The following PTGS1 variants were observed in gnomAD, a reference collection of about 807,000 sequenced individuals.
PTGS1 encodes the protein prostaglandin G/H synthase 1.
A neutral mutation model predicts 63.0 loss-of-function variants in PTGS1; 40 were observed. The ratio of observed to expected loss-of-function variants is 0.63; its 90% CI spans 0.49 to 0.83. The LOEUF is 0.83. Among genes scored for constraint, PTGS1 ranks in the 40% least tolerant of loss-of-function variants. The pLI is 0.00. For missense variants in PTGS1, 709 were observed against 786.5 expected (o/e 0.90, Z 1.18); for synonymous variants, 298 against 301.9 (o/e 0.99, Z 0.13).
Position 122,383,565 on chromosome 9 carries a change from C to T in PTGS1, c.819C>T (p.His273=). The T allele has an allele frequency of 1.2e-6, 2 of 1,614,124 alleles. No individual in the cohort carries two copies. The highest frequency in any genetic ancestry group is 8.5e-7 in the Non-Finnish European group (1 of 1,180,010). The part of the protein sequence containing the change: ...PSVEEAPVLM[H]YPRGIPPQSQ... ...TAGAAGAGGCGCCTGTGTTGATGCACTACCCCCGAGGCATCCCGCCCCAGA... is the reference window on the plus strand; with the variant it reads ...TAGAAGAGGCGCCTGTGTTGATGCATTACCCCCGAGGCATCCCGCCCCAGA... The change falls in exon 8 of 11, where the codon CAC becomes CAT. Residue 273 remains histidine, a synonymous_variant. Coordinates refer to ENST00000362012, the MANE Select transcript of PTGS1 (RefSeq NM_000962.4).
intron 3 of PTGS1, 104 bp from the exon 4 acceptor site, chr9:122,378,329 C>A: frequency 2.0e-6 from 3 of 1,511,302 alleles, no homozygotes; most frequent in Non-Finnish European, 2.7e-6. Context: ...ATAGGTGCTA[C>A]TCTGTTCCAC....
chr9:122,381,959 A>G (rs774166410), intron 7 of PTGS1, among the ~76,000 whole-genome samples: 6 of 152,174 alleles, frequency 3.9e-5, no homozygotes, highest in Non-Finnish European at 7.4e-5. Context: ...TCAGCCAGGG[A>G]GGTGGATTTT....
chr9:122,390,448 G>GT (rs1233397274), intron 10 of PTGS1, 103 bp downstream of exon 10: 15 of 1,316,162 alleles, frequency 1.1e-5, no homozygotes, highest in Non-Finnish European at 4.2e-6. Context: ...GCGGCAATGT[G>GT]TAACAACCAG....
rs200460694 is a variant in PTGS1, at chr9:122,371,081, C to A, written c.-4C>A. On this transcript the variant is annotated 5_prime_UTR_variant, in exon 1 of 11. Coordinates refer to ENST00000362012, the MANE Select transcript of PTGS1 (RefSeq NM_000962.4). ...TCTGCGTCCCGCACCCCAGCAGCCG[C>A]GCCATGAGCCGTGAGTGCGACCCCG... 2.5e-6 allele frequency: 4 copies of A among 1,599,014 alleles called. No individual in the cohort carries two copies. The highest frequency in any genetic ancestry group is 2.7e-5 in the African/African-American group (2 of 75,050).
intron 9 of PTGS1, among the ~76,000 whole-genome samples, chr9:122,389,148 C>CTT (rs11313763): frequency 7.4e-5 from 6 of 81,508 alleles, no homozygotes; most frequent in African/African-American, 2.4e-4. Flanking sequence ...CTTTTCTTTC[C>CTT]TTTTTTTTTT....
intron 10 of PTGS1, among the ~76,000 whole-genome samples, chr9:122,391,347 C>CTATATATATACATA (rs772498092): frequency 2.4e-4 from 26 of 109,550 alleles, no homozygotes; most frequent in Middle Eastern, 4.7e-3. Context: ...TATATATATA[C>CTATATATATACATA]TATATATATA....
intron 8 of PTGS1, among the ~76,000 whole-genome samples, chr9:122,384,945 T>A (rs1404098999): frequency 6.6e-6 from 1 of 152,172 alleles, no homozygotes; most frequent in Non-Finnish European, 1.5e-5. Context: ...CCTAATATAG[T>A]ATTGCATTGA....
At chr9:122,373,321 G>A (rs1235562228) in intron 2 of PTGS1, among the ~76,000 whole-genome samples, 5 of 152,158 alleles carry the variant, frequency 3.3e-5, no homozygotes, top group East Asian at 1.9e-4. Context: ...CCAAGTCTGC[G>A]AGTAAACTGA....
chr9:122,383,866 T>C (rs1837699222), intron 8 of PTGS1, 111 bp downstream of exon 8: 2 of 1,443,030 alleles, frequency 1.4e-6, no homozygotes, highest in South Asian at 2.7e-5. Flanking sequence ...CTCACCCTTC[T>C]GCTTAGTGGC....
chr9:122,386,432 C>A lies in PTGS1; in HGVS notation c.1010-14C>A. Reference sequence around the variant, plus strand: ...GTGCTTGGCTGACCCTATTTCCAATCCTGCCCTGCCCAGGGGAGACCATCA... The same window carrying A: ...GTGCTTGGCTGACCCTATTTCCAATACTGCCCTGCCCAGGGGAGACCATCA... On this transcript the variant is annotated splice_polypyrimidine_tract_variant and intron_variant, in intron 8 of 10. Coordinates refer to ENST00000362012, the MANE Select transcript of PTGS1 (RefSeq NM_000962.4). The A allele has an allele frequency of 6.2e-7, 1 of 1,612,766 alleles. No homozygotes were observed. The highest frequency in any genetic ancestry group is 1.1e-5 in the South Asian group (1 of 90,944).
rs1202410812 is a variant in PTGS1 at position 122,395,304 on chromosome 9, T to C, written c.*2760T>C. 2.0e-5 allele frequency: 3 copies of C among 152,234 alleles called. No individual in the cohort carries two copies. The highest frequency in any genetic ancestry group is 1.3e-4 in the Admixed American group (2 of 15,290). The allele number at this position is 152,234 out of a possible 1,614,324, so 9.4% of individuals were successfully genotyped here. A position where few individuals can be genotyped will look rare whatever the true frequency, so the allele number is the denominator to read the frequency against. On this transcript the variant is annotated 3_prime_UTR_variant, in exon 11 of 11. Coordinates refer to ENST00000362012, the MANE Select transcript of PTGS1 (RefSeq NM_000962.4). ...GCTTCTTCAGAGTGAAGAATCTTAA[T>C]GCTTGTAATTTAAACATTTGTTCCT... is the stretch of plus-strand genomic sequence containing the variant.
chr9:122,373,607 C>T (rs1216571218), intron 2 of PTGS1, among the ~76,000 whole-genome samples: 1 of 152,240 alleles, frequency 6.6e-6, no homozygotes, highest in African/African-American at 2.4e-5. Context: ...ACCTGGCAAC[C>T]AGAGCTGCAT....
chr9:122,390,199 T>C lies in PTGS1; in HGVS notation c.1298T>C (p.Ile433Thr), dbSNP rs1377938676. ...ACTGCTGTGCTTCTCTCTCGGCAGA[T>C]CGGTGGGGGCAGGAACATGGACCAC... ...DAFSRQIAGR[I>T]GGGRNMDHHI... The change falls in exon 10 of 11, where the codon ATC (isoleucine) becomes ACC (threonine). Residue 433 changes from isoleucine to threonine, a missense_variant and splice_region_variant. By Grantham distance (89) the Ile-to-Thr change is moderately conservative. Coordinates refer to ENST00000362012, the MANE Select transcript of PTGS1 (RefSeq NM_000962.4). The C allele has an allele frequency of 6.2e-7, 1 of 1,613,468 alleles. No homozygotes were observed. Among genetic ancestry groups the C allele is most frequent in the Non-Finnish European group, 8.5e-7 (1 of 1,179,694 alleles).
chr9:122,385,111 C>T (rs1372787716), intron 8 of PTGS1, among the ~76,000 whole-genome samples: 1 of 152,108 alleles, frequency 6.6e-6, no homozygotes, highest in African/African-American at 2.4e-5. Context: ...GTGCCCGCCA[C>T]CATGCCTGGC....
intron 2 of PTGS1, chr9:122,375,305 C>G (rs1837062836): frequency 1.0e-6 from 1 of 985,362 alleles, no homozygotes; most frequent in Non-Finnish European, 1.2e-6. Flanking sequence ...GGCAGCCGTT[C>G]CAGCTTCAGC....
chr9:122,392,340 T>C lies in PTGS1; in HGVS notation c.1596T>C (p.Gly532=), dbSNP rs1410396010. Residue 532 remains glycine (G), a synonymous_variant, in exon 11 of 11, where the codon GGT becomes GGC. Coordinates refer to ENST00000362012, the MANE Select transcript of PTGS1 (RefSeq NM_000962.4). Reference sequence around the variant, plus strand: ...TTGGGGCTCCCTTTTCCCTCAAGGGTCTCCTAGGGAATCCCATCTGTTCTC... The same window carrying C: ...TTGGGGCTCCCTTTTCCCTCAAGGGCCTCCTAGGGAATCCCATCTGTTCTC... The part of the protein sequence containing the change: ...IEIGAPFSLK[G]LLGNPICSPE... The C allele has an allele frequency of 5.6e-6, 9 of 1,613,926 alleles. No homozygotes were observed. The highest frequency in any genetic ancestry group is 2.7e-5 in the African/African-American group (2 of 74,880).
intron 10 of PTGS1, 115 bp from the exon 11 acceptor site, chr9:122,392,074 T>C: frequency 1.2e-6 from 1 of 835,412 alleles, no homozygotes; most frequent in Middle Eastern, 3.1e-4. Context: ...CTCAAGTTAG[T>C]CTCCTGGAGT....
intron 2 of PTGS1, among the ~76,000 whole-genome samples, chr9:122,373,491 A>G (rs931676797): frequency 7.9e-5 from 12 of 152,184 alleles, no homozygotes; most frequent in Non-Finnish European, 1.6e-4. Context: ...GATGGAGGCC[A>G]GCCTGGAGGC....
At chr9:122,373,240 T>G (rs1836915977) in intron 2 of PTGS1, among the ~76,000 whole-genome samples, 1 of 152,180 alleles carries the variant, frequency 6.6e-6, no homozygotes, top group Admixed American at 6.5e-5. Context: ...CCGAGGCTCC[T>G]GCAAGGATCT....
Sources: allele counts gnomAD v4.1 joint callset (sites outside exome capture counted in the v4.1 genomes callset), GRCh38; gene constraint gnomAD v4.1.1; transcripts MANE v1.5; gene names NCBI Gene and HGNC (gene_info 2026-07-23, HGNC 2026-07-21).